SLC45A2: variants seen among roughly 807,000 people sequenced by gnomAD.
The protein encoded by SLC45A2 is membrane-associated transporter protein.
In SLC45A2, 36 loss-of-function variants were observed where a neutral mutation model predicts 45.5. The ratio of observed to expected loss-of-function variants is 0.79; its 90% CI spans 0.61 to 1.04. The LOEUF (loss-of-function observed/expected upper bound fraction) is 1.04. Ranked by LOEUF, SLC45A2 falls within the 50% of genes least tolerant of loss-of-function variation. The pLI is 0.00. For synonymous variants in SLC45A2, 306 were observed against 269.3 expected (o/e 1.14, Z -1.33); for missense variants, 719 against 671.0 (o/e 1.07, Z -0.79).
chr5:33,984,297 C>T lies in SLC45A2; in HGVS notation c.287G>A (p.Arg96Gln), dbSNP rs753327799. Residue 96 changes from arginine to glutamine, a missense_variant, in exon 1 of 7, where the codon CGG (arginine) becomes CAG (glutamine). Transcript: ENST00000296589. ...PVVGSASDHC[R>Q]SRWGRRRPYI... The stretch of plus-strand genomic sequence containing the variant: ...GGGTCTCCGGCGGCCCCACCTGGAC[C>T]GGCAGTGGTCGCTGGCCGATCCGAC... 12 of 1,614,038 alleles carry T rather than the reference C, an allele frequency of 7.4e-6. No homozygotes were observed. The Admixed American group carries it at 8.3e-5, about 11-fold the overall frequency.
chr5:33,959,157 T>C (rs184965468), intron 3 of SLC45A2, among the ~76,000 whole-genome samples: 4 of 152,288 alleles, frequency 2.6e-5, no homozygotes, highest in African/African-American at 9.6e-5. Context: ...ATCCAGACTT[T>C]TCATTTTTTG....
chr5:33,944,802 G>A lies in SLC45A2; in HGVS notation c.1439C>T (p.Thr480Ile), dbSNP rs2111893177. 1.2e-6 allele frequency: 2 copies of A among 1,614,224 alleles called. No individual in the cohort carries two copies. The highest frequency in any genetic ancestry group is 1.6e-4 in the Middle Eastern group (1 of 6,062). ...GATCTGAGCCAGCTGCACCATGCAT[G>A]TGAGGGTGGCGCAGTCCATGCCCTT... ...RGKGMDCATLTCMVQLAQILV... is the reference protein window; with the variant it reads ...RGKGMDCATLICMVQLAQILV... The change falls in exon 7 of 7, where the codon ACA becomes ATA. Residue 480 changes from threonine to isoleucine, a missense_variant. By Grantham distance (89) the Thr-to-Ile change is moderately conservative. Transcript: ENST00000296589.
chr5:33,974,360 A>G (rs1047083619), intron 2 of SLC45A2, among the ~76,000 whole-genome samples: 2 of 152,180 alleles, frequency 1.3e-5, no homozygotes, highest in Non-Finnish European at 2.9e-5. Flanking sequence ...AAAAAATGTC[A>G]GAAATATGCT....
chr5:33,951,357 A>G, intron 5 of SLC45A2, 197 bp downstream of exon 5: 1 of 1,421,696 alleles, frequency 7.0e-7, no homozygotes, highest in Non-Finnish European at 9.3e-7. Flanking sequence ...ATCAGTGAGG[A>G]AATGACACCT....
intron 4 of SLC45A2, 79 bp downstream of exon 4, chr5:33,954,282 T>C: frequency 6.3e-7 from 1 of 1,589,786 alleles, no homozygotes; most frequent in South Asian, 1.1e-5. Flanking sequence ...TCTTAGAGGA[T>C]AGCCCAGAAG....
At chr5:33,949,081 T>G (rs1752020632) in intron 5 of SLC45A2, among the ~76,000 whole-genome samples, 2 of 152,212 alleles carry the variant, frequency 1.3e-5, no homozygotes, top group Admixed American at 1.3e-4. Flanking sequence ...GTATGAACAA[T>G]AGGCCATATC....
At chr5:33,969,401 T>C (rs148179296) in intron 2 of SLC45A2, among the ~76,000 whole-genome samples, 1,694 of 152,274 alleles carry the variant, frequency 0.011, 110 homozygotes, top group Admixed American at 0.1. Context: ...TCTTCAAAGA[T>C]GCTGAGATAA....
chr5:33,949,832 G>A (rs903539228), intron 5 of SLC45A2, among the ~76,000 whole-genome samples: 1 of 152,112 alleles, frequency 6.6e-6, no homozygotes, highest in African/African-American at 2.4e-5. Flanking sequence ...CTAATGGAAT[G>A]TTATCTAGTA....
intron 2 of SLC45A2, among the ~76,000 whole-genome samples, chr5:33,973,085 G>A (rs996367627): frequency 2.0e-5 from 3 of 152,134 alleles, no homozygotes; most frequent in Non-Finnish European, 4.4e-5. Flanking sequence ...GTCAGGGCTG[G>A]GGGTGTGTGT....
chr5:33,957,181 TATTA>T (rs1444603402), intron 3 of SLC45A2, among the ~76,000 whole-genome samples: 3 of 152,194 alleles, frequency 2.0e-5, no homozygotes, highest in Non-Finnish European at 4.4e-5. Context: ...ACCTTGGGAA[TATTA>T]ATTGATTAGC....
At chr5:33,980,450 G>A (rs1201849759) in intron 2 of SLC45A2, among the ~76,000 whole-genome samples, 1 of 152,212 alleles carries the variant, frequency 6.6e-6, no homozygotes, top group African/African-American at 2.4e-5. Context: ...TCAAGGCTCA[G>A]CTTCCACATC....
chr5:33,960,115 T>G (rs1752405439), intron 3 of SLC45A2, among the ~76,000 whole-genome samples: 1 of 152,192 alleles, frequency 6.6e-6, no homozygotes, highest in African/African-American at 2.4e-5. Flanking sequence ...GGAATAGGAT[T>G]GCTGGATCAA....
At chr5:33,947,414 C>T (rs1197057142) in intron 5 of SLC45A2, 40 bp from the exon 6 acceptor site, 1 of 1,530,568 alleles carries the variant, frequency 6.5e-7, no homozygotes, top group South Asian at 1.1e-5. Flanking sequence ...GCTGGCAGTG[C>T]CTCATAACAT....
intron 2 of SLC45A2, among the ~76,000 whole-genome samples, chr5:33,965,982 T>C (rs967390075): frequency 4.6e-5 from 7 of 152,232 alleles, no homozygotes; most frequent in African/African-American, 1.7e-4. Context: ...ATCAAGGGTT[T>C]TCACATTGCC....
At chr5:33,980,248 T>C (rs570679532) in intron 2 of SLC45A2, among the ~76,000 whole-genome samples, 11 of 133,664 alleles carry the variant, frequency 8.2e-5, no homozygotes, top group Non-Finnish European at 1.4e-4. Flanking sequence ...AGGTAAATAT[T>C]TAACAACTGG....
At chr5:33,944,906 A>G (rs775537349) in intron 6 of SLC45A2, 34 bp from the exon 7 acceptor site, 9 of 1,584,712 alleles carry the variant, frequency 5.7e-6, no homozygotes, top group Non-Finnish European at 7.7e-6. Flanking sequence ...CATTTGACCT[A>G]CAAGGAACTG....
intron 2 of SLC45A2, among the ~76,000 whole-genome samples, chr5:33,965,794 C>G (rs1363490006): frequency 6.6e-6 from 1 of 152,176 alleles, no homozygotes; most frequent in Non-Finnish European, 1.5e-5. Flanking sequence ...AGCAATCAAC[C>G]AATAAGAATG....
At chr5:33,945,842 A>G in intron 6 of SLC45A2, 1 of 612,388 alleles carries the variant, frequency 1.6e-6, no homozygotes, top group Non-Finnish European at 2.0e-6. Flanking sequence ...TCCTTTGAAT[A>G]AGAAAGGAAA....
intron 2 of SLC45A2, chr5:33,971,289 G>A (rs907314607): frequency 3.8e-6 from 2 of 523,780 alleles, no homozygotes; most frequent in South Asian, 1.4e-5. Flanking sequence ...ATAGATGTGG[G>A]AATTGAGGGG....
Sources: gnomAD v4.1 joint callset for allele counts (sites outside exome capture counted in the v4.1 genomes callset) on GRCh38, gnomAD v4.1.1 for gene constraint, MANE v1.5 for transcripts, NCBI Gene and HGNC (gene_info 2026-07-23, HGNC 2026-07-21) for gene names.